The following RFX3 variants were observed in gnomAD, a reference collection of about 807,000 sequenced individuals.
The protein encoded by RFX3 is transcription factor RFX3.
RFX3 carries 14 observed loss-of-function variants against 98.6 expected under a neutral mutation model. The observed-to-expected ratio is 0.14, with a 90% CI of 0.09 to 0.22. RFX3 has a LOEUF of 0.22. Among genes scored for constraint, RFX3 ranks in the 10% least tolerant of loss-of-function variants. The probability of loss-of-function intolerance (pLI) is 1.00; values close to 1 mark genes in which losing one functional copy is unlikely to be tolerated. For synonymous variants in RFX3, 383 were observed against 328.4 expected (o/e 1.17, Z -1.80); for missense variants, 639 against 926.9 (o/e 0.69, Z 4.03).
At chr9:3,476,103 T>C (rs191374187) in intron 1 of RFX3, among the ~76,000 whole-genome samples, 205 of 152,012 alleles carry the variant, frequency 1.3e-3, no homozygotes, top group Non-Finnish European at 7.1e-4. Flanking sequence ...GTTATGATTA[T>C]AGAGCGAGTA....
chr9:3,311,722 T>C (rs1352689037), intron 4 of RFX3, among the ~76,000 whole-genome samples: 1 of 147,870 alleles, frequency 6.8e-6, no homozygotes, highest in Non-Finnish European at 1.5e-5. Context: ...TCATCTCTAC[T>C]AAAAATATAA....
Position 3,525,857 on chromosome 9 carries a change from G to A in RFX3, c.-119C>T. 1 of 985,602 alleles carries A rather than the reference G, an allele frequency of 1.0e-6. No homozygotes were observed. The highest frequency in any genetic ancestry group is 4.7e-5 in the South Asian group (1 of 21,456). 61.1% of individuals were successfully genotyped at this position (985,602 alleles called of 1,614,324 possible). A position where few individuals can be genotyped will look rare whatever the true frequency, so the allele number is the denominator to read the frequency against. ...GGAGAGGAGTAGTTGTTGTTGATGG[G>A]TAACAGTCGCCAGGACTACGGTGAC... On this transcript the variant is annotated 5_prime_UTR_variant, in exon 1 of 17. Transcript: ENST00000617270.
At chr9:3,373,327 A>G (rs1400092912) in intron 2 of RFX3, among the ~76,000 whole-genome samples, 2 of 152,298 alleles carry the variant, frequency 1.3e-5, no homozygotes, top group Non-Finnish European at 1.5e-5. Context: ...AAATCACATC[A>G]CATCCCAAAA....
rs1291566827 is a variant in RFX3 at position 3,224,996 on chromosome 9, T to TATCA, written c.*42_*45dup. The TATCA allele has an allele frequency of 1.3e-6, 2 of 1,573,172 alleles. No homozygotes were observed. The highest frequency in any genetic ancestry group is 1.7e-6 in the Non-Finnish European group (2 of 1,147,844). ...TATTAAATTTTCAACTTAAGCCCAA[T>TATCA]ATCAACAGGGTTAATGTAAGCTGGA... On this transcript the variant is annotated 3_prime_UTR_variant, in exon 17 of 17. Coordinates refer to ENST00000617270, the MANE Select transcript of RFX3 (RefSeq NM_001282116.2).
intron 1 of RFX3, among the ~76,000 whole-genome samples, chr9:3,414,654 G>GTATATATGAGTA (rs1316105948): frequency 2.4e-3 from 329 of 135,208 alleles, no homozygotes; most frequent in African/African-American, 9.8e-3. Flanking sequence ...GTATATATAT[G>GTATATATGAGTA]TATATATGAG....
At chr9:3,411,432 G>A (rs893498634) in intron 1 of RFX3, among the ~76,000 whole-genome samples, 4 of 151,632 alleles carry the variant, frequency 2.6e-5, no homozygotes, top group African/African-American at 4.9e-5. Flanking sequence ...GCATGATCTC[G>A]GCTCACTGCA....
chr9:3,259,757 TAAAGA>T (rs1023452526), intron 13 of RFX3, among the ~76,000 whole-genome samples: 8 of 151,940 alleles, frequency 5.3e-5, no homozygotes, highest in Non-Finnish European at 1.0e-4. Context: ...CTTAAATGCA[TAAAGA>T]AAAGAAAATT....
At chr9:3,360,889 T>C (rs901762899) in intron 2 of RFX3, among the ~76,000 whole-genome samples, 3 of 152,188 alleles carry the variant, frequency 2.0e-5, no homozygotes, top group African/African-American at 7.2e-5. Flanking sequence ...GTAAATGAGT[T>C]CATTTATAAT....
At position 3,520,890 on chromosome 9, in the gene RFX3, G is replaced by A. The variant is rs191440202; in HGVS notation, c.-9+4857C>T. 2.7e-4 allele frequency among the ~76,000 whole-genome samples: 41 copies of A among 152,198 alleles called. 1 individual carries two copies. Among genetic ancestry groups the A allele is most frequent in the Admixed American group, 2.7e-3 (41 of 15,286 alleles). ...AAATGAAATCTTGCTATGTTGCCCA[G>A]GCTGCTCTTGAACTCATAGCCTCAG... is the stretch of plus-strand genomic sequence containing the variant. On this transcript the variant is annotated intron_variant, in intron 1 of 16. Transcript: ENST00000617270.
At chr9:3,490,084 T>C (rs553830047) in intron 1 of RFX3, among the ~76,000 whole-genome samples, 15 of 152,224 alleles carry the variant, frequency 9.9e-5, no homozygotes, top group African/African-American at 2.4e-4. Context: ...AAAACATATA[T>C]AGTAGTGATA....
At chr9:3,311,441 G>C (rs1437037420) in intron 4 of RFX3, among the ~76,000 whole-genome samples, 4 of 152,200 alleles carry the variant, frequency 2.6e-5, no homozygotes, top group African/African-American at 7.2e-5. Context: ...GTGAAGAGGA[G>C]GGTACATCCT....
chr9:3,244,003 TA>T (rs908529406), intron 15 of RFX3, among the ~76,000 whole-genome samples: 13 of 68,380 alleles, frequency 1.9e-4, no homozygotes, highest in African/African-American at 4.3e-4. Flanking sequence ...TTTCTATTTT[TA>T]TTATTTTTTT....
In RFX3 at chr9:3,500,643, T is replaced by C. The variant is rs539191740; in HGVS notation, c.-9+25104A>G. Among the ~76,000 whole-genome samples the C allele has an allele frequency of 1.5e-3, 228 of 152,314 alleles. 1 individual carries two copies. Among genetic ancestry groups the C allele is most frequent in the African/African-American group, 5.3e-3 (219 of 41,574 alleles). ...AAATTTAACTTGATTCCATAGGGCC[T>C]AATGTATGAAAACCTTTTAAAAGTA... On this transcript the variant is annotated intron_variant, in intron 1 of 16. Transcript: ENST00000617270.
rs555048427 is a variant in RFX3, at chr9:3,338,869, C to A, written c.215+7798G>T. On this transcript the variant is annotated intron_variant, in intron 3 of 16. Coordinates refer to ENST00000617270, the MANE Select transcript of RFX3 (RefSeq NM_001282116.2). ...CTTTGGGAGGCCAAGACAGGCAGATCACAAGGTCAGGAGTTCGAGACCACC... is the reference window on the plus strand; with the variant it reads ...CTTTGGGAGGCCAAGACAGGCAGATAACAAGGTCAGGAGTTCGAGACCACC... Among the ~76,000 whole-genome samples the A allele has an allele frequency of 7.9e-5, 12 of 152,282 alleles. No homozygotes were observed. The East Asian group carries it at 2.3e-3, about 29-fold the overall frequency.
Position 3,224,974 on chromosome 9 carries a change from T to A in RFX3, c.*68A>T. ...GACAACAGTCGACCTTCAGGCTTAT[T>A]AAATTTTCAACTTAAGCCCAATATC... is the stretch of plus-strand genomic sequence containing the variant. On this transcript the variant is annotated 3_prime_UTR_variant, in exon 17 of 17. Coordinates refer to ENST00000617270, the MANE Select transcript of RFX3 (RefSeq NM_001282116.2). The A allele has an allele frequency of 6.7e-7, 1 of 1,491,262 alleles. No homozygotes were observed. The allele number at this position is 1,491,262 out of a possible 1,614,324, so 92.4% of individuals were successfully genotyped here.
chr9:3,473,573 A>C (rs1848966406), intron 1 of RFX3, among the ~76,000 whole-genome samples: 1 of 152,180 alleles, frequency 6.6e-6, no homozygotes, highest in South Asian at 2.1e-4. Flanking sequence ...ATGTAAACCC[A>C]CATTGTTCAT....
At chr9:3,289,548 A>G (rs866766545) in intron 6 of RFX3, among the ~76,000 whole-genome samples, 1 of 152,164 alleles carries the variant, frequency 6.6e-6, no homozygotes, top group African/African-American at 2.4e-5. Flanking sequence ...GAGGTACGGT[A>G]GGAAGCAGGA....
At chr9:3,295,094 G>C (rs1305702068) in intron 5 of RFX3, among the ~76,000 whole-genome samples, 3 of 152,030 alleles carry the variant, frequency 2.0e-5, no homozygotes, top group Non-Finnish European at 2.9e-5. Context: ...ACACAGAATA[G>C]GTTTGCTACA....
At chr9:3,505,138 T>C (rs1293355492) in intron 1 of RFX3, among the ~76,000 whole-genome samples, 2 of 99,898 alleles carry the variant, frequency 2.0e-5, no homozygotes, top group Admixed American at 1.5e-4. Context: ...TTTATATTTA[T>C]ATATTATATG....
Sources: gnomAD v4.1 joint callset for allele counts (sites outside exome capture counted in the v4.1 genomes callset) on GRCh38, gnomAD v4.1.1 for gene constraint, MANE v1.5 for transcripts, NCBI Gene and HGNC (gene_info 2026-07-23, HGNC 2026-07-21) for gene names.